ZEB1: variants seen among roughly 807,000 people sequenced by gnomAD.
ZEB1 encodes the protein zinc finger E-box-binding homeobox 1.
Under a neutral mutation model 84.9 loss-of-function variants are expected in ZEB1, and 21 were observed. That is an observed-to-expected ratio of 0.25 (90% CI 0.18 to 0.36). The LOEUF (loss-of-function observed/expected upper bound fraction) is 0.36, where lower values mean the gene tolerates loss of function less well. Ranked by LOEUF, ZEB1 falls within the 10% of genes least tolerant of loss-of-function variation. The pLI is 1.00. For missense variants in ZEB1, 1,104 were observed against 1,330.2 expected, an observed-to-expected ratio of 0.83 and a Z score of 2.65; for synonymous variants, 420 against 471.1, an observed-to-expected ratio of 0.89 and a Z score of 1.41.
intron 1 of ZEB1, among the ~76,000 whole-genome samples, chr10:31,334,243 A>G (rs1263261853): frequency 3.3e-5 from 5 of 152,106 alleles, no homozygotes; most frequent in Non-Finnish European, 7.4e-5. Context: ...CACTTAGAAA[A>G]ACTGATCACA....
At chr10:31,522,838 A>T (rs1272800960) in intron 7 of ZEB1, among the ~76,000 whole-genome samples, 1 of 152,208 alleles carries the variant, frequency 6.6e-6, no homozygotes, top group Non-Finnish European at 1.5e-5. Flanking sequence ...TTTCCCTTAA[A>T]TATTGCTATT....
intron 4 of ZEB1, among the ~76,000 whole-genome samples, chr10:31,509,620 G>T (rs575263782): frequency 2.6e-4 from 39 of 152,254 alleles, no homozygotes; most frequent in African/African-American, 9.4e-4. Flanking sequence ...ATTATTTGCA[G>T]TCTGGTCCTT....
intron 2 of ZEB1, among the ~76,000 whole-genome samples, chr10:31,462,124 T>C (rs1233196387): frequency 1.3e-5 from 2 of 152,120 alleles, no homozygotes; most frequent in Non-Finnish European, 2.9e-5. Flanking sequence ...AACTAAAATC[T>C]GGAAAAGTGG....
At chr10:31,369,783 A>G (rs1044005008) in intron 1 of ZEB1, among the ~76,000 whole-genome samples, 13 of 152,156 alleles carry the variant, frequency 8.5e-5, no homozygotes, top group African/African-American at 2.9e-4. Flanking sequence ...CTTCCATACT[A>G]TTTACCATAA....
At chr10:31,398,385 A>G (rs934128103) in intron 1 of ZEB1, among the ~76,000 whole-genome samples, 2 of 152,154 alleles carry the variant, frequency 1.3e-5, no homozygotes, top group African/African-American at 2.4e-5. Flanking sequence ...AAATATTGAA[A>G]TTATTTTTAA....
At chr10:31,409,517 GT>G (rs145468220) in intron 1 of ZEB1, among the ~76,000 whole-genome samples, 11,860 of 152,128 alleles carry the variant, frequency 0.078, 655 homozygotes, top group African/African-American at 0.16. Context: ...TCCGTATGAA[GT>G]TTAAAGTGGT....
intron 3 of ZEB1, among the ~76,000 whole-genome samples, chr10:31,499,318 A>G (rs1045395803): frequency 6.6e-6 from 1 of 152,180 alleles, no homozygotes; most frequent in Non-Finnish European, 1.5e-5. Flanking sequence ...GGAAACTGAA[A>G]TATGTTAATT....
At chr10:31,454,298 C>T (rs1222903081) in intron 1 of ZEB1, among the ~76,000 whole-genome samples, 8 of 152,132 alleles carry the variant, frequency 5.3e-5, no homozygotes, top group Non-Finnish European at 8.8e-5. Flanking sequence ...AACCCACAGC[C>T]AATATCTTAC....
At chr10:31,448,175 G>A (rs1353089172) in intron 1 of ZEB1, among the ~76,000 whole-genome samples, 18 of 139,122 alleles carry the variant, frequency 1.3e-4, no homozygotes, top group Non-Finnish European at 1.8e-4. Flanking sequence ...ATCTTCCATC[G>A]CTGATACCCT....
chr10:31,438,682 A>T (rs569752507), intron 1 of ZEB1, among the ~76,000 whole-genome samples: 31 of 152,126 alleles, frequency 2.0e-4, no homozygotes, highest in Middle Eastern at 6.8e-3. Flanking sequence ...TAAAAAAAAA[A>T]TTTTCTTTAA....
intron 1 of ZEB1, among the ~76,000 whole-genome samples, chr10:31,383,995 A>G (rs970485002): frequency 2.0e-5 from 2 of 102,352 alleles, no homozygotes; most frequent in South Asian, 3.5e-4. Context: ...TTTTTTTGAG[A>G]TAGAGTCTCA....
chr10:31,482,777 ATATTT>A (rs1322539476), intron 2 of ZEB1, among the ~76,000 whole-genome samples: 3 of 152,164 alleles, frequency 2.0e-5, no homozygotes, highest in East Asian at 3.9e-4. Flanking sequence ...ATTTTCAAAA[ATATTT>A]TAATAAGCAG....
chr10:31,405,274 C>G (rs913773123), intron 1 of ZEB1, among the ~76,000 whole-genome samples: 1 of 152,094 alleles, frequency 6.6e-6, no homozygotes, highest in Non-Finnish European at 1.5e-5. Context: ...GAAAAAGGAG[C>G]TTGTTAAATT....
chr10:31,527,027 G>T lies in ZEB1; in HGVS notation c.3141G>T (p.Glu1047Asp). The T allele has an allele frequency of 6.3e-7, 1 of 1,592,652 alleles. No individual in the cohort carries two copies. The highest frequency in any genetic ancestry group is 8.6e-7 in the Non-Finnish European group (1 of 1,167,912). The change falls in exon 9 of 9, where the codon GAG becomes GAT. Residue 1047 changes from glutamate to aspartate, a missense_variant. Physicochemically the swap from Glu to Asp is conservative, Grantham distance 45. This residue lies in a region of ZEB1 where 173 missense variants were observed against 167.0 expected (regional missense o/e 1.04). Coordinates refer to ENST00000424869, the MANE Select transcript of ZEB1 (RefSeq NM_001174096.2). The stretch of plus-strand genomic sequence containing the variant: ...AAGAGGAAGAGGAGGAGGATAAAGA[G>T]ATGGAAGAATTGCAGGAAGAAAAAG... ...SEKEEEEEDK[E>D]MEELQEEKEC...
chr10:31,510,708 C>T lies in ZEB1; in HGVS notation c.520C>T (p.Pro174Ser). ...TGCATTTTCACAATTACTCACCTGT[C>T]CATATTGTGATAGAGGCTATAAACG... Reference protein sequence around the residue: ...PDAFSQLLTCPYCDRGYKRFT... With the variant: ...PDAFSQLLTCSYCDRGYKRFT... The change falls in exon 5 of 9, where the codon CCA becomes TCA. Residue 174 changes from proline (P) to serine (S), a missense_variant. By Grantham distance (74) the Pro-to-Ser change is moderately conservative. This residue lies in a region of ZEB1 where 71 missense variants were observed against 119.1 expected (regional missense o/e 0.60). Coordinates refer to ENST00000424869, the MANE Select transcript of ZEB1 (RefSeq NM_001174096.2). The T allele has an allele frequency of 1.2e-6, 2 of 1,613,670 alleles. No individual in the cohort carries two copies. The highest frequency in any genetic ancestry group is 1.7e-6 in the Non-Finnish European group (2 of 1,179,702).
At chr10:31,485,984 C>T (rs1304548593) in intron 2 of ZEB1, among the ~76,000 whole-genome samples, 3 of 151,844 alleles carry the variant, frequency 2.0e-5, no homozygotes, top group African/African-American at 7.2e-5. Flanking sequence ...CAACATGAAA[C>T]ATAATCTGTG....
chr10:31,520,948 C>G lies in ZEB1; in HGVS notation c.1616C>G (p.Pro539Arg), dbSNP rs751379750. Reference protein sequence around the residue: ...DSTCLLCDDCPGDINALPELK... With the variant: ...DSTCLLCDDCRGDINALPELK... ...ACTTGTCTTCTGTGTGATGATTGTCCAGGAGATATTAATGCACTTCCAGAA... is the reference window on the plus strand; with the variant it reads ...ACTTGTCTTCTGTGTGATGATTGTCGAGGAGATATTAATGCACTTCCAGAA... Residue 539 changes from proline (P) to arginine (R), a missense_variant, in exon 7 of 9, where the codon CCA becomes CGA. Physicochemically the swap from Pro to Arg is moderately radical, Grantham distance 103. Around this residue, in one of 7 missense-constraint regions of ZEB1, gnomAD observed 531 missense variants for 575.2 expected, o/e 0.92. Coordinates refer to ENST00000424869, the MANE Select transcript of ZEB1 (RefSeq NM_001174096.2). The surrounding 1 kb of genome is among the most constrained non-coding windows in gnomAD (Gnocchi z 5.1). The G allele has an allele frequency of 6.2e-7, 1 of 1,613,972 alleles. No individual in the cohort carries two copies. Among genetic ancestry groups the G allele is most frequent in the Non-Finnish European group, 8.5e-7 (1 of 1,179,972 alleles).
At chr10:31,411,202 A>C (rs1388819760) in intron 1 of ZEB1, among the ~76,000 whole-genome samples, 2 of 152,222 alleles carry the variant, frequency 1.3e-5, no homozygotes, top group East Asian at 3.8e-4. Flanking sequence ...ACTCAGGATT[A>C]AGAAACTCAC....
chr10:31,482,671 T>G (rs1288856442), intron 2 of ZEB1, among the ~76,000 whole-genome samples: 1 of 152,012 alleles, frequency 6.6e-6, no homozygotes, highest in Non-Finnish European at 1.5e-5. Context: ...AAGTCTGAAA[T>G]TTTTCAAATT....
Sources: allele counts gnomAD v4.1 joint callset (sites outside exome capture counted in the v4.1 genomes callset), GRCh38; gene constraint gnomAD v4.1.1; regional missense constraint gnomAD v4.1.1; non-coding constraint Gnocchi (gnomAD v3.1); transcripts MANE v1.5; gene names NCBI Gene and HGNC (gene_info 2026-07-23, HGNC 2026-07-21).